The following PGCKA1 variants were observed in gnomAD, a reference collection of about 807,000 sequenced individuals.
PGCKA1 encodes the protein PDCD10 and GCKIII kinases associated 1, also known as PDCD10 and GCKIII kinases-associated protein 1.
chr4:37,509,040 T>C, the PGCKA1 span, among the ~76,000 whole-genome samples: 1 of 151,458 alleles, frequency 6.6e-6, no homozygotes. Flanking sequence ...AGAATTTTTC[T>C]TAGTACAGAA....
the PGCKA1 span, among the ~76,000 whole-genome samples, chr4:37,538,491 C>T: frequency 1.3e-5 from 2 of 152,202 alleles, no homozygotes; most frequent in Non-Finnish European, 2.9e-5. Flanking sequence ...GCCATCTCCA[C>T]CTGGGAAGAG....
the PGCKA1 span, among the ~76,000 whole-genome samples, chr4:37,484,669 T>C: frequency 1.9e-3 from 286 of 152,332 alleles, 1 homozygote; most frequent in African/African-American, 6.7e-3. Context: ...CTTTTCTGTA[T>C]AAATTACCAA....
the PGCKA1 span, among the ~76,000 whole-genome samples, chr4:37,527,805 G>A: frequency 6.6e-6 from 1 of 151,062 alleles, no homozygotes; most frequent in East Asian, 1.9e-4. Context: ...GCTCCAGCCT[G>A]GCGACAGAGC....
chr4:37,541,030 C>T, the PGCKA1 span, among the ~76,000 whole-genome samples: 3 of 150,834 alleles, frequency 2.0e-5, no homozygotes, highest in East Asian at 3.9e-4. Flanking sequence ...AAGTAAAAAA[C>T]ACCTGTCTGC....
chr4:37,554,034 C>G, the PGCKA1 span, among the ~76,000 whole-genome samples: 4 of 152,150 alleles, frequency 2.6e-5, no homozygotes, highest in Non-Finnish European at 4.4e-5. Context: ...ACCATAATCC[C>G]CACGTGTTGT....
the PGCKA1 span, among the ~76,000 whole-genome samples, chr4:37,557,547 G>C: frequency 6.6e-6 from 1 of 152,144 alleles, no homozygotes; most frequent in East Asian, 1.9e-4. Flanking sequence ...AGGCAGATGG[G>C]GCGAGGCAGC....
chr4:37,539,523 G>A, the PGCKA1 span, among the ~76,000 whole-genome samples: 8 of 152,222 alleles, frequency 5.3e-5, no homozygotes, highest in East Asian at 1.9e-4. Flanking sequence ...CAGATGTGGC[G>A]CACACCTGTA....
chr4:37,591,241 C>T, the PGCKA1 span: 1 of 411,630 alleles, frequency 2.4e-6, no homozygotes, highest in Non-Finnish European at 4.4e-6. Context: ...CTGAGTGGGT[C>T]ATTGTGCCCA....
the PGCKA1 span, among the ~76,000 whole-genome samples, chr4:37,522,581 A>G: frequency 6.6e-6 from 1 of 151,962 alleles, no homozygotes; most frequent in African/African-American, 2.4e-5. Flanking sequence ...CTCTATGGCC[A>G]TGCTAGTACC....
At chr4:37,587,380 G>A in the PGCKA1 span, among the ~76,000 whole-genome samples, 1 of 152,060 alleles carries the variant, frequency 6.6e-6, no homozygotes, top group Non-Finnish European at 1.5e-5. Flanking sequence ...ATCTTTGGGG[G>A]CCATTTTTCA....
the PGCKA1 span, among the ~76,000 whole-genome samples, chr4:37,580,956 A>G: frequency 6.6e-6 from 1 of 152,176 alleles, no homozygotes; most frequent in South Asian, 2.1e-4. Flanking sequence ...CCATAAGACA[A>G]GGCCATTTCC....
At chr4:37,590,989 G>A in the PGCKA1 span, 1 of 1,609,906 alleles carries the variant, frequency 6.2e-7, no homozygotes, top group Non-Finnish European at 8.5e-7. Context: ...AGATTTGGAT[G>A]AGACTGATTA....
At chr4:37,546,302 T>C in the PGCKA1 span, among the ~76,000 whole-genome samples, 5,031 of 152,300 alleles carry the variant, frequency 0.033, 282 homozygotes, top group African/African-American at 0.11. Context: ...GCGCCAGGCC[T>C]AAAACCAGGA....
At chr4:37,487,732 T>G in the PGCKA1 span, among the ~76,000 whole-genome samples, 1 of 152,204 alleles carries the variant, frequency 6.6e-6, no homozygotes, top group Non-Finnish European at 1.5e-5. Flanking sequence ...AACTTCATAT[T>G]CATGAATCAT....
the PGCKA1 span, among the ~76,000 whole-genome samples, chr4:37,477,933 T>A: frequency 6.6e-6 from 1 of 152,270 alleles, no homozygotes; most frequent in East Asian, 1.9e-4. Context: ...CCCTGGCTCC[T>A]TTTCAGGTTG....
At chr4:37,508,619 A>T in the PGCKA1 span, among the ~76,000 whole-genome samples, 129 of 149,212 alleles carry the variant, frequency 8.6e-4, no homozygotes, top group Admixed American at 2.6e-3. Context: ...ACAATTGTGA[A>T]TATTATTGTG....
At chr4:37,563,711 T>C in the PGCKA1 span, among the ~76,000 whole-genome samples, 1 of 152,308 alleles carries the variant, frequency 6.6e-6, no homozygotes, top group South Asian at 2.1e-4. Context: ...TAAAATCTAT[T>C]TGTAGCCTTA....
At chr4:37,574,063 C>T in the PGCKA1 span, among the ~76,000 whole-genome samples, 5 of 150,284 alleles carry the variant, frequency 3.3e-5, no homozygotes, top group African/African-American at 1.2e-4. Context: ...TGGCACGTGC[C>T]TGTAATCCCA....
At chr4:37,464,060 A>C in the PGCKA1 span, among the ~76,000 whole-genome samples, 778 of 152,352 alleles carry the variant, frequency 5.1e-3, 3 homozygotes, top group Non-Finnish European at 6.6e-3. Context: ...AGATGACAGC[A>C]TCATATGCAC....
Sources: gnomAD v4.1 joint callset for allele counts (sites outside exome capture counted in the v4.1 genomes callset) on GRCh38, gnomAD v4.1.1 for gene constraint, MANE v1.5 for transcripts, NCBI Gene and HGNC (gene_info 2026-07-23, HGNC 2026-07-21) for gene names.